The following RALGPS2 variants were observed in gnomAD, a reference collection of about 807,000 sequenced individuals.
The protein encoded by RALGPS2 is ras-specific guanine nucleotide-releasing factor RalGPS2.
Under a neutral mutation model 86.8 loss-of-function variants are expected in RALGPS2, and 43 were observed. The observed-to-expected ratio is 0.50, with a 90% CI of 0.39 to 0.64. The LOEUF (loss-of-function observed/expected upper bound fraction) is 0.64, where lower values mean the gene tolerates loss of function less well. RALGPS2 is among the 30% of genes least tolerant of loss of function. The pLI is 0.00. For synonymous variants in RALGPS2, 243 were observed against 231.3 expected, an observed-to-expected ratio of 1.05 and a Z score of -0.46; for missense variants, 536 against 694.6, an observed-to-expected ratio of 0.77 and a Z score of 2.57.
intron 1 of RALGPS2, among the ~76,000 whole-genome samples, chr1:178,730,618 A>G (rs1408574498): frequency 4.6e-5 from 7 of 151,062 alleles, no homozygotes; most frequent in Non-Finnish European, 7.4e-5. Context: ...TTCTTGCTCA[A>G]ATCTGCACTT....
chr1:178,726,549 A>G (rs1650019686), intron 1 of RALGPS2, among the ~76,000 whole-genome samples: 1 of 152,060 alleles, frequency 6.6e-6, no homozygotes, highest in Non-Finnish European at 1.5e-5. Flanking sequence ...TGTTAAAAAA[A>G]AAAAACCCCA....
chr1:178,845,349 T>C (rs961684340), intron 8 of RALGPS2, among the ~76,000 whole-genome samples: 2 of 152,170 alleles, frequency 1.3e-5, no homozygotes, highest in African/African-American at 4.8e-5. Flanking sequence ...TTCATGATAG[T>C]ACTTTTTTGT....
At chr1:178,747,710 C>G (rs1239894214) in intron 1 of RALGPS2, 1 of 1,381,304 alleles carries the variant, frequency 7.2e-7, no homozygotes, top group Admixed American at 1.7e-5. Flanking sequence ...GCCAGCGATG[C>G]TGAGCATCCA....
At chr1:178,839,639 C>G (rs942980576) in intron 8 of RALGPS2, among the ~76,000 whole-genome samples, 1 of 152,158 alleles carries the variant, frequency 6.6e-6, no homozygotes, top group African/African-American at 2.4e-5. Context: ...ATCATAATGA[C>G]AGGATCAAAT....
At chr1:178,865,672 T>C in intron 8 of RALGPS2, 9 of 1,614,094 alleles carry the variant, frequency 5.6e-6, no homozygotes, top group Non-Finnish European at 7.6e-6. Context: ...CACGAGGGTA[T>C]CTTCTCTGGT....
At position 178,784,414 on chromosome 1, in the gene RALGPS2, A is replaced by G. The variant is rs778599675; in HGVS notation, c.58-4A>G. ...AAAGGCTGCATTTTCTTTCACTTTA[A>G]CAGAAAAGTAGCAGCTCTGAATCCT... On this transcript the variant is annotated splice_region_variant and splice_polypyrimidine_tract_variant and intron_variant, in intron 2 of 19. Transcript: ENST00000367635. 7.0e-5 allele frequency: 112 copies of G among 1,592,910 alleles called. No homozygotes were observed. The highest frequency in any genetic ancestry group is 9.3e-5 in the Non-Finnish European group (108 of 1,166,568).
intron 8 of RALGPS2, among the ~76,000 whole-genome samples, chr1:178,843,826 G>A (rs1656732879): frequency 6.6e-6 from 1 of 152,050 alleles, no homozygotes; most frequent in African/African-American, 2.4e-5. Flanking sequence ...TGGACTCCTG[G>A]GCATAAATAT....
chr1:178,818,015 C>G (rs1482078325), intron 6 of RALGPS2, among the ~76,000 whole-genome samples: 1 of 152,180 alleles, frequency 6.6e-6, no homozygotes, highest in East Asian at 1.9e-4. Flanking sequence ...TAAATACTCT[C>G]TTCTCCCAGG....
At chr1:178,867,617 C>A (rs954405759) in intron 8 of RALGPS2, among the ~76,000 whole-genome samples, 1 of 151,954 alleles carries the variant, frequency 6.6e-6, no homozygotes, top group Non-Finnish European at 1.5e-5. Context: ...TTTTTCGCTG[C>A]CTTTTCCTGG....
chr1:178,744,575 T>C (rs1460355465), intron 1 of RALGPS2, among the ~76,000 whole-genome samples: 2 of 152,038 alleles, frequency 1.3e-5, no homozygotes, highest in African/African-American at 2.4e-5. Flanking sequence ...TTAGGGATGC[T>C]GGAGAGCAGG....
intron 8 of RALGPS2, among the ~76,000 whole-genome samples, chr1:178,869,879 C>T (rs1658643299): frequency 6.6e-6 from 1 of 152,012 alleles, no homozygotes; most frequent in South Asian, 2.1e-4. Context: ...GTAAAAAAAG[C>T]TCCCAGATAG....
intron 8 of RALGPS2, chr1:178,850,285 A>G (rs1657088147): frequency 6.6e-6 from 1 of 152,582 alleles, no homozygotes; most frequent in South Asian, 2.1e-4. Flanking sequence ...AGTAAATTAG[A>G]AAAAAAGTAA....
chr1:178,847,495 C>G (rs1053508163), intron 8 of RALGPS2, among the ~76,000 whole-genome samples: 1 of 151,640 alleles, frequency 6.6e-6, no homozygotes, highest in Non-Finnish European at 1.5e-5. Context: ...GATAAGATGG[C>G]CATTTTTTCA....
chr1:178,860,607 C>T (rs775889927), intron 8 of RALGPS2, among the ~76,000 whole-genome samples: 4 of 152,156 alleles, frequency 2.6e-5, no homozygotes, highest in Non-Finnish European at 4.4e-5. Flanking sequence ...ATTCACCCTC[C>T]GCCTAACATC....
chr1:178,904,592 G>A lies in RALGPS2; in HGVS notation c.1631-2184G>A, dbSNP rs542176137. Among the ~76,000 whole-genome samples, 6 of 152,214 alleles carry A rather than the reference G, an allele frequency of 3.9e-5. No individual in the cohort carries two copies. In the South Asian group the frequency reaches 8.3e-4, roughly 21 times the overall value. On this transcript the variant is annotated intron_variant, in intron 18 of 19. Transcript: ENST00000367635. ...GCGGCTAGCCAATTATCCCAGCACC[G>A]TTAGTTAAAAAGGGTGTCCTTTCCC...
chr1:178,895,337 C>A (rs1270987180), intron 16 of RALGPS2, among the ~76,000 whole-genome samples: 5 of 152,070 alleles, frequency 3.3e-5, no homozygotes, highest in Non-Finnish European at 5.9e-5. Flanking sequence ...CTAGTGAACT[C>A]AGAATTGCAT....
At chr1:178,770,973 G>A (rs961343197) in intron 1 of RALGPS2, among the ~76,000 whole-genome samples, 1 of 151,012 alleles carries the variant, frequency 6.6e-6, no homozygotes, top group African/African-American at 2.4e-5. Flanking sequence ...CTAGTCGCTG[G>A]GATTACAGGC....
Position 178,889,689 on chromosome 1 carries a change from T to G in RALGPS2, c.1240T>G (p.Phe414Val). The G allele has an allele frequency of 6.2e-7, 1 of 1,604,630 alleles. No homozygotes were observed. Among genetic ancestry groups the G allele is most frequent in the Non-Finnish European group, 8.5e-7 (1 of 1,174,594 alleles). The change falls in exon 14 of 20, where the codon TTT (phenylalanine) becomes GTT (valine). Residue 414 changes from phenylalanine (F) to valine (V), a missense_variant. Around this residue, in one of 3 missense-constraint regions of RALGPS2, gnomAD observed 309 missense variants for 363.0 expected, o/e 0.85. Coordinates refer to ENST00000367635, the MANE Select transcript of RALGPS2 (RefSeq NM_152663.5). ...AAGTGAAGAGACCTCATGGCCTGCT[T>G]TTGAAAGGTAAGATAAATTGTCCAT... The part of the protein sequence containing the change: ...ELSEETSWPA[F>V]ERNRLYHSLG...
intron 1 of RALGPS2, among the ~76,000 whole-genome samples, chr1:178,767,806 G>A (rs550523885): frequency 6.6e-6 from 1 of 152,294 alleles, no homozygotes; most frequent in East Asian, 1.9e-4. Context: ...AGGATCACTG[G>A]ACTAGAAGCT....
Sources: allele counts gnomAD v4.1 joint callset (sites outside exome capture counted in the v4.1 genomes callset), GRCh38; gene constraint gnomAD v4.1.1; regional missense constraint gnomAD v4.1.1; transcripts MANE v1.5; gene names NCBI Gene and HGNC (gene_info 2026-07-23, HGNC 2026-07-21).